TOM1L2: variants seen among roughly 807,000 people sequenced by gnomAD.
TOM1L2 encodes target of myb1 like 2 membrane trafficking protein, also known as TOM1-like protein 2.
Under a neutral mutation model 67.9 loss-of-function variants are expected in TOM1L2, and 31 were observed. The ratio of observed to expected loss-of-function variants is 0.46; its 90% CI spans 0.34 to 0.62. The LOEUF (loss-of-function observed/expected upper bound fraction) is 0.62, where lower values mean the gene tolerates loss of function less well. TOM1L2 is among the 20% of genes least tolerant of loss of function. The pLI is 0.01. For synonymous variants in TOM1L2, 256 were observed against 254.0 expected (o/e 1.01, Z -0.07); for missense variants, 606 against 663.5 (o/e 0.91, Z 0.95).
In TOM1L2 at chr17:17,847,394, A is replaced by C; in HGVS notation, c.*241T>G. The C allele has an allele frequency of 1.8e-6, 1 of 547,374 alleles. No homozygotes were observed. Among genetic ancestry groups the C allele is most frequent in the Non-Finnish European group, 3.2e-6 (1 of 312,828 alleles). 33.9% of individuals were successfully genotyped at this position (547,374 alleles called of 1,614,324 possible). A position where few individuals can be genotyped will look rare whatever the true frequency, so the allele number is the denominator to read the frequency against. The stretch of plus-strand genomic sequence containing the variant: ...GCTCTTCCTGGGAGGAAACATGGGC[A>C]GAGGGGCCCATGGTGGGAGGGGAGA... On this transcript the variant is annotated 3_prime_UTR_variant, in exon 15 of 15. Transcript: ENST00000379504.
intron 7 of TOM1L2, among the ~76,000 whole-genome samples, chr17:17,877,184 C>T (rs549529107): frequency 1.3e-5 from 2 of 152,354 alleles, no homozygotes; most frequent in East Asian, 3.9e-4. Context: ...TGGGAAGCTA[C>T]ACCCAAAAGT....
rs924610508 is a variant in TOM1L2, at chr17:17,847,321, C to T, written c.*314G>A. 4.6e-5 allele frequency: 17 copies of T among 367,746 alleles called. No homozygotes were observed. The highest frequency in any genetic ancestry group is 2.1e-4 in the South Asian group (6 of 28,870). 22.8% of individuals were successfully genotyped at this position (367,746 alleles called of 1,614,324 possible). ...ATGGGCGGGTGGAGGAAAGACAGTC[C>T]GGGTGGTCTGCTCAGGAAGCACTGC... On this transcript the variant is annotated 3_prime_UTR_variant, in exon 15 of 15. Coordinates refer to ENST00000379504, the MANE Select transcript of TOM1L2 (RefSeq NM_001082968.2).
intron 1 of TOM1L2, among the ~76,000 whole-genome samples, chr17:17,914,703 T>C (rs2039554982): frequency 1.3e-5 from 2 of 152,192 alleles, no homozygotes; most frequent in South Asian, 4.1e-4. Flanking sequence ...TCCTAGCCCC[T>C]GCCCAGTCCT....
chr17:17,862,898 T>C (rs2031650497), intron 10 of TOM1L2, 50 bp from the exon 11 acceptor site: 1 of 1,467,370 alleles, frequency 6.8e-7, no homozygotes, highest in South Asian at 1.1e-5. Context: ...ATGTAGACTG[T>C]AGATCTGATG....
At chr17:17,932,634 G>A (rs1485869339) in intron 1 of TOM1L2, among the ~76,000 whole-genome samples, 1 of 152,092 alleles carries the variant, frequency 6.6e-6, no homozygotes, top group African/African-American at 2.4e-5. Flanking sequence ...GGGATGTGGT[G>A]GGGAATGTAC....
chr17:17,921,441 C>T (rs2039864326), intron 1 of TOM1L2, among the ~76,000 whole-genome samples: 1 of 152,146 alleles, frequency 6.6e-6, no homozygotes, highest in African/African-American at 2.4e-5. Context: ...TTGATGTATG[C>T]CGTTCTTTGT....
chr17:17,899,896 G>A lies in TOM1L2; in HGVS notation c.138-1222C>T, dbSNP rs577950638. On this transcript the variant is annotated intron_variant, in intron 2 of 14. Coordinates refer to ENST00000379504, the MANE Select transcript of TOM1L2 (RefSeq NM_001082968.2). ...AAGTTGAGGAGGGGAAAGGGTTGAT[G>A]CTCTGCTAATCAGCTTAATTTAAGA... 5.0e-4 allele frequency among the ~76,000 whole-genome samples: 76 copies of A among 152,192 alleles called. 1 individual carries two copies. The highest frequency in any genetic ancestry group is 7.6e-4 in the Non-Finnish European group (52 of 68,036).
intron 7 of TOM1L2, among the ~76,000 whole-genome samples, chr17:17,879,274 T>C (rs2037589795): frequency 6.6e-6 from 1 of 152,122 alleles, no homozygotes; most frequent in African/African-American, 2.4e-5. Flanking sequence ...TACAAAAAAG[T>C]CAGAAAGAAA....
At chr17:17,872,286 T>A (rs566186276) in intron 7 of TOM1L2, among the ~76,000 whole-genome samples, 1 of 152,332 alleles carries the variant, frequency 6.6e-6, no homozygotes, top group African/African-American at 2.4e-5. Flanking sequence ...ATAGATCACG[T>A]GAAGGATTCC....
intron 6 of TOM1L2, among the ~76,000 whole-genome samples, chr17:17,880,247 A>T (rs1243465797): frequency 6.6e-6 from 1 of 152,206 alleles, no homozygotes; most frequent in East Asian, 1.9e-4. Flanking sequence ...GAGGCTGGGC[A>T]GTGTCAATAG....
At chr17:17,866,214 C>G in intron 10 of TOM1L2, 82 bp downstream of exon 10, 1 of 1,469,144 alleles carries the variant, frequency 6.8e-7, no homozygotes, top group Non-Finnish European at 9.1e-7. Flanking sequence ...TTTGGGTCTT[C>G]CAAGAAAGAA....
chr17:17,857,938 C>A (rs746112680), intron 12 of TOM1L2: 1 of 1,277,110 alleles, frequency 7.8e-7, no homozygotes, highest in South Asian at 1.3e-5. Flanking sequence ...ACTCTTCAGA[C>A]GTGATCCTTT....
At chr17:17,852,338 G>A (rs2036022203) in intron 12 of TOM1L2, among the ~76,000 whole-genome samples, 1 of 152,192 alleles carries the variant, frequency 6.6e-6, no homozygotes, top group African/African-American at 2.4e-5. Flanking sequence ...GGTGGTTTGG[G>A]GTCCCAGGTA....
chr17:17,907,702 G>T (rs1047825009), intron 1 of TOM1L2, among the ~76,000 whole-genome samples, 171 bp from the exon 2 acceptor site: 8 of 152,132 alleles, frequency 5.3e-5, no homozygotes, highest in Non-Finnish European at 1.2e-4. Context: ...GAAAGGTCCT[G>T]GCCTGAGGGC....
chr17:17,874,234 G>A lies in TOM1L2; in HGVS notation c.778-4761C>T, dbSNP rs139620019. Among the ~76,000 whole-genome samples the A allele has an allele frequency of 3.6e-3, 544 of 152,020 alleles. 2 individuals carry two copies. Among genetic ancestry groups the A allele is most frequent in the African/African-American group, 0.012 (517 of 41,498 alleles). ...CTCCCAAAGTGCTGGGATTACAGGC[G>A]TGAGCCACCACGCCCAGCCATTACT... is the stretch of plus-strand genomic sequence containing the variant. On this transcript the variant is annotated intron_variant, in intron 7 of 14. Coordinates refer to ENST00000379504, the MANE Select transcript of TOM1L2 (RefSeq NM_001082968.2).
chr17:17,861,882 G>C (rs1033778309), intron 11 of TOM1L2: 5 of 224,092 alleles, frequency 2.2e-5, no homozygotes, highest in African/African-American at 1.1e-4. Context: ...TCCTCAGAGG[G>C]AAGACTAGAT....
chr17:17,931,438 A>C (rs992081442), intron 1 of TOM1L2, among the ~76,000 whole-genome samples: 1 of 152,164 alleles, frequency 6.6e-6, no homozygotes, highest in African/African-American at 2.4e-5. Flanking sequence ...CCAAATAACT[A>C]AATGTCTCTG....
chr17:17,914,388 T>C (rs2144532403), intron 1 of TOM1L2, among the ~76,000 whole-genome samples: 1 of 152,176 alleles, frequency 6.6e-6, no homozygotes, highest in East Asian at 1.9e-4. Context: ...ACCACCCCCA[T>C]TCTTCCTAGG....
At chr17:17,875,664 TTCTA>T (rs1265745254) in intron 7 of TOM1L2, among the ~76,000 whole-genome samples, 1 of 152,240 alleles carries the variant, frequency 6.6e-6, no homozygotes, top group African/African-American at 2.4e-5. Flanking sequence ...ATCCTCTTTT[TTCTA>T]TCTAATTAAT....
Sources: gnomAD v4.1 joint callset for allele counts (sites outside exome capture counted in the v4.1 genomes callset) on GRCh38, gnomAD v4.1.1 for gene constraint, MANE v1.5 for transcripts, NCBI Gene and HGNC (gene_info 2026-07-23, HGNC 2026-07-21) for gene names.